Variants in CDKAL1 observed in about 807,000 individuals in gnomAD.
CDKAL1 encodes threonylcarbamoyladenosine tRNA methylthiotransferase.
In CDKAL1, 32 loss-of-function variants were observed where a neutral mutation model predicts 68.2. The ratio of observed to expected loss-of-function variants is 0.47; its 90% CI spans 0.35 to 0.63. CDKAL1 has a LOEUF of 0.63. Ranked by LOEUF, CDKAL1 falls within the 30% of genes least tolerant of loss-of-function variation. The pLI, the probability that CDKAL1 is intolerant of heterozygous loss-of-function variation, is 0.00. For missense variants in CDKAL1, 606 were observed against 696.7 expected (o/e 0.87, Z 1.47); for synonymous variants, 234 against 244.3 (o/e 0.96, Z 0.39).
chr6:20,974,813 T>C (rs1200994291), intron 10 of CDKAL1, among the ~76,000 whole-genome samples: 1 of 55,886 alleles, frequency 1.8e-5, no homozygotes, highest in African/African-American at 5.4e-5. Context: ...ACCCAGTCTC[T>C]GCAAAAAAAA....
intron 7 of CDKAL1, among the ~76,000 whole-genome samples, chr6:20,768,180 T>C (rs749171180): frequency 6.6e-6 from 1 of 152,288 alleles, no homozygotes; most frequent in Middle Eastern, 3.4e-3. Context: ...GAGTCCTTGA[T>C]TGAGACTATG....
intron 1 of CDKAL1, chr6:20,534,987 C>G (rs1026157153): frequency 6.6e-6 from 1 of 152,164 alleles, no homozygotes; most frequent in Non-Finnish European, 1.5e-5. Flanking sequence ...TTCTTCTTTG[C>G]TCATAAAACC....
intron 10 of CDKAL1, among the ~76,000 whole-genome samples, chr6:20,984,812 G>C (rs1037543111): frequency 5.0e-4 from 8 of 15,842 alleles, no homozygotes; most frequent in East Asian, 4.4e-3. Context: ...GCACAGTAAC[G>C]GGGGGGGGTG....
rs549009833 is a variant in CDKAL1, at chr6:20,914,556, C to G, written c.743-40863C>G. Among the ~76,000 whole-genome samples, 6 of 152,066 alleles carry G rather than the reference C, an allele frequency of 3.9e-5. No homozygotes were observed. In the East Asian group the frequency reaches 9.7e-4, roughly 25 times the overall value. ...GGATATATTGTTTATTGCTATAACCCCAGAGCCTAGAACAGTACTCTGTAC... is the reference window on the plus strand; with the variant it reads ...GGATATATTGTTTATTGCTATAACCGCAGAGCCTAGAACAGTACTCTGTAC... On this transcript the variant is annotated intron_variant, in intron 9 of 15. Transcript: ENST00000274695.
intron 8 of CDKAL1, among the ~76,000 whole-genome samples, chr6:20,804,327 G>GA (rs1049950666): frequency 2.0e-5 from 3 of 152,208 alleles, no homozygotes; most frequent in African/African-American, 7.2e-5. Context: ...CTCAGAGAGA[G>GA]AAAATAGAAT....
rs1176060767 is a variant in CDKAL1, at chr6:20,756,866, T to C, written c.469-1729T>C. 242 of 46,560 alleles carry C rather than the reference T, an allele frequency of 5.2e-3. 3 individuals carry two copies. The highest frequency in any genetic ancestry group is 0.023 in the African/African-American group (235 of 10,342). The allele number at this position is 46,560 out of a possible 1,614,324, so 2.9% of individuals were successfully genotyped here. A position where few individuals can be genotyped will look rare whatever the true frequency, so the allele number is the denominator to read the frequency against. Reference sequence around the variant, plus strand: ...TTCCTTCCTTCTCCCCTTCCTTCCTTCCTTCCTTCCTTCCTTCCTTCCTTC... The same window carrying C: ...TTCCTTCCTTCTCCCCTTCCTTCCTCCCTTCCTTCCTTCCTTCCTTCCTTC... On this transcript the variant is annotated intron_variant, in intron 6 of 15. Coordinates refer to ENST00000274695, the MANE Select transcript of CDKAL1 (RefSeq NM_017774.3).
chr6:21,104,200 T>C (rs1773729647), intron 12 of CDKAL1, among the ~76,000 whole-genome samples: 1 of 150,632 alleles, frequency 6.6e-6, no homozygotes, highest in Admixed American at 6.6e-5. Context: ...CTTGGAATAT[T>C]TTTTGCCTGT....
At chr6:21,143,884 G>A (rs1582291873) in intron 13 of CDKAL1, among the ~76,000 whole-genome samples, 2 of 152,120 alleles carry the variant, frequency 1.3e-5, no homozygotes, top group African/African-American at 4.8e-5. Context: ...AGCCTGTCTG[G>A]ATCGACTCAG....
intron 5 of CDKAL1, among the ~76,000 whole-genome samples, chr6:20,676,464 G>A (rs965377487): frequency 3.9e-5 from 6 of 151,946 alleles, no homozygotes; most frequent in Non-Finnish European, 8.8e-5. Context: ...TCAGGAGATC[G>A]AGACCATCCT....
rs576474884 is a variant in CDKAL1 at position 20,545,506 on chromosome 6, G to A, written c.-5-840G>A. ...GGCTGGAGTGCAGTGGTGCACTCTC[G>A]ACTCACTGCAACCTCTGCCTCCTGG... On this transcript the variant is annotated intron_variant, in intron 2 of 15. Coordinates refer to ENST00000274695, the MANE Select transcript of CDKAL1 (RefSeq NM_017774.3). Among the ~76,000 whole-genome samples the A allele has an allele frequency of 5.9e-5, 9 of 152,042 alleles. No individual in the cohort carries two copies. The South Asian group carries it at 1.9e-3, about 32-fold the overall frequency.
At chr6:21,054,362 ATAGT>A (rs1435055954) in intron 11 of CDKAL1, among the ~76,000 whole-genome samples, 1 of 152,084 alleles carries the variant, frequency 6.6e-6, no homozygotes, top group African/African-American at 2.4e-5. Context: ...TTGGAGCTTT[ATAGT>A]TAGTCTTTAA....
chr6:21,034,813 G>C (rs1338203863), intron 11 of CDKAL1, among the ~76,000 whole-genome samples: 2 of 152,094 alleles, frequency 1.3e-5, no homozygotes, highest in Non-Finnish European at 2.9e-5. Context: ...TAAAAATCTT[G>C]CTTTGACTTG....
intron 4 of CDKAL1, among the ~76,000 whole-genome samples, chr6:20,608,254 G>GA (rs1462004247): frequency 6.6e-6 from 1 of 152,064 alleles, no homozygotes. Context: ...TTATGAGAGT[G>GA]AAATTGGTAC....
At chr6:20,874,308 TG>T (rs1234214141) in intron 9 of CDKAL1, among the ~76,000 whole-genome samples, 3 of 100,932 alleles carry the variant, frequency 3.0e-5, no homozygotes, top group Non-Finnish European at 6.2e-5. Flanking sequence ...TTTGTTTGTT[TG>T]TTTTTTTTTT....
At chr6:20,589,778 G>C (rs1209526894) in intron 4 of CDKAL1, among the ~76,000 whole-genome samples, 2 of 152,112 alleles carry the variant, frequency 1.3e-5, no homozygotes, top group Non-Finnish European at 2.9e-5. Flanking sequence ...ATTCAGTGAA[G>C]TGCTAAAAAT....
intron 8 of CDKAL1, among the ~76,000 whole-genome samples, chr6:20,829,696 C>G (rs1336702419): frequency 6.6e-6 from 1 of 152,046 alleles, no homozygotes; most frequent in Non-Finnish European, 1.5e-5. Context: ...TATTTTAGGT[C>G]CTTCTGTACT....
chr6:20,680,753 G>A (rs1249235668), intron 5 of CDKAL1, among the ~76,000 whole-genome samples: 1 of 152,180 alleles, frequency 6.6e-6, no homozygotes, highest in Non-Finnish European at 1.5e-5. Flanking sequence ...ATAGAAACCC[G>A]GCACGACAGG....
chr6:21,151,308 C>G (rs1032575666), intron 13 of CDKAL1, among the ~76,000 whole-genome samples: 13 of 152,344 alleles, frequency 8.5e-5, no homozygotes, highest in African/African-American at 3.1e-4. Flanking sequence ...TAGTTTAACC[C>G]TCTCCGACCC....
intron 4 of CDKAL1, among the ~76,000 whole-genome samples, chr6:20,644,059 C>T (rs1768316107): frequency 6.6e-6 from 1 of 151,580 alleles, no homozygotes; most frequent in South Asian, 2.1e-4. Flanking sequence ...TCTTGAACTC[C>T]TGACCTCAAG....
Sources: allele counts gnomAD v4.1 joint callset (sites outside exome capture counted in the v4.1 genomes callset), GRCh38; gene constraint gnomAD v4.1.1; transcripts MANE v1.5; gene names NCBI Gene and HGNC (gene_info 2026-07-23, HGNC 2026-07-21).